POLR3G: variants seen among roughly 807,000 people sequenced by gnomAD.
POLR3G encodes the protein DNA-directed RNA polymerase III subunit RPC7.
Under a neutral mutation model 30.1 loss-of-function variants are expected in POLR3G, and 28 were observed. The observed-to-expected ratio is 0.93, with a 90% CI of 0.69 to 1.27. POLR3G has a LOEUF of 1.27. Ranked by LOEUF, POLR3G falls within the 50% of genes most tolerant of loss-of-function variation. The pLI is 0.00. For synonymous variants in POLR3G, 79 were observed against 82.5 expected, an observed-to-expected ratio of 0.96 and a Z score of 0.23; for missense variants, 254 against 264.6, an observed-to-expected ratio of 0.96 and a Z score of 0.28.
intron 5 of POLR3G, 75 bp downstream of exon 5, chr5:90,497,781 A>G (rs1752061701): frequency 3.3e-6 from 5 of 1,509,164 alleles, no homozygotes; most frequent in Non-Finnish European, 4.5e-6. Flanking sequence ...GGATTTGTCA[A>G]CCCAAAGTTA....
chr5:90,512,250 G>A lies in POLR3G; in HGVS notation c.*111G>A, dbSNP rs1341611026. On this transcript the variant is annotated 3_prime_UTR_variant, in exon 8 of 8. Coordinates refer to ENST00000651687, the MANE Select transcript of POLR3G (RefSeq NM_006467.3). ...ATAAGTACTTGTTTCTGTTGTTTTG[G>A]ACAAATAGTTGTTACCAAAATATTC... is the stretch of plus-strand genomic sequence containing the variant. 1.4e-6 allele frequency: 1 copy of A among 717,700 alleles called. No individual in the cohort carries two copies. The highest frequency in any genetic ancestry group is 2.4e-6 in the Non-Finnish European group (1 of 423,792). The allele number at this position is 717,700 out of a possible 1,614,324, so 44.5% of individuals were successfully genotyped here. A position where few individuals can be genotyped will look rare whatever the true frequency, so the allele number is the denominator to read the frequency against.
chr5:90,475,045 T>G (rs1750721914), intron 1 of POLR3G, 25 bp downstream of exon 1: 2 of 152,092 alleles, frequency 1.3e-5, no homozygotes, highest in Admixed American at 1.3e-4. Context: ...AATCGAAGAC[T>G]TGGGAGGGGT....
chr5:90,475,962 C>T (rs1431427254), intron 1 of POLR3G, among the ~76,000 whole-genome samples: 1 of 152,160 alleles, frequency 6.6e-6, no homozygotes, highest in Non-Finnish European at 1.5e-5. Context: ...CCGCCTGCCT[C>T]GGCCTCCCAA....
intron 1 of POLR3G, among the ~76,000 whole-genome samples, chr5:90,482,137 C>G (rs942986360): frequency 6.6e-6 from 1 of 152,020 alleles, no homozygotes; most frequent in Non-Finnish European, 1.5e-5. Flanking sequence ...AAGGAAAACT[C>G]AAATATGGAG....
chr5:90,478,810 C>T (rs768663606), intron 1 of POLR3G, among the ~76,000 whole-genome samples: 17 of 151,358 alleles, frequency 1.1e-4, no homozygotes, highest in Non-Finnish European at 1.9e-4. Context: ...ATGGTGAAAC[C>T]CTGTCTCTAC....
In POLR3G at chr5:90,512,499, G is replaced by T; in HGVS notation, c.*360G>T. The stretch of plus-strand genomic sequence containing the variant: ...CTGATCTTTTGTAAAACTATTGCTA[G>T]TCATAATGGATTTCTATAACCTGAA... On this transcript the variant is annotated 3_prime_UTR_variant, in exon 8 of 8. Coordinates refer to ENST00000651687, the MANE Select transcript of POLR3G (RefSeq NM_006467.3). 1 of 170,224 alleles carries T rather than the reference G, an allele frequency of 5.9e-6. No individual in the cohort carries two copies. Among genetic ancestry groups the T allele is most frequent in the East Asian group, 1.5e-4 (1 of 6,562 alleles). 10.5% of individuals were successfully genotyped at this position (170,224 alleles called of 1,614,324 possible).
At chr5:90,485,295 G>A (rs190054005) in intron 1 of POLR3G, among the ~76,000 whole-genome samples, 2 of 152,314 alleles carry the variant, frequency 1.3e-5, no homozygotes, top group Admixed American at 1.3e-4. Flanking sequence ...TGGACTGGAT[G>A]TGGGGCAGTA....
At chr5:90,497,254 GAAA>G (rs369026997) in intron 4 of POLR3G, among the ~76,000 whole-genome samples, 49 of 148,312 alleles carry the variant, frequency 3.3e-4, no homozygotes, top group African/African-American at 1.2e-3. Flanking sequence ...ACATCCTTTT[GAAA>G]AAAAAAATTT....
rs1404581969 is a variant in POLR3G at position 90,506,643 on chromosome 5, A to G, written c.554A>G (p.Gln185Arg). Residue 185 changes from glutamine (Q) to arginine (R), a missense_variant, in exon 7 of 8, where the codon CAG (glutamine) becomes CGG (arginine). Coordinates refer to ENST00000651687, the MANE Select transcript of POLR3G (RefSeq NM_006467.3). ...GACGATGACGATGATGCCGCAGAAC[A>G]GGAGGAATATGATGAAGAAGAGCAA... ...DDDDDDDAAEQEEYDEEEQEE... is the reference protein window; with the variant it reads ...DDDDDDDAAEREEYDEEEQEE... 6.2e-7 allele frequency: 1 copy of G among 1,611,864 alleles called. No homozygotes were observed. Among genetic ancestry groups the G allele is most frequent in the Non-Finnish European group, 8.5e-7 (1 of 1,179,204 alleles).
chr5:90,483,292 G>C (rs1363114773), intron 1 of POLR3G, among the ~76,000 whole-genome samples: 1 of 152,074 alleles, frequency 6.6e-6, no homozygotes, highest in East Asian at 1.9e-4. Flanking sequence ...AATCAGCTCT[G>C]TCCAGACAGC....
rs1332183687 is a variant in POLR3G, at chr5:90,485,523, A to C, written c.-43-2A>C. ...GATCCAGTAAATCGTAATCATTAAT[A>C]GTGCCTTTCAGAATTTGCCCACTCA... On this transcript the variant is annotated splice_acceptor_variant, in intron 1 of 7. Coordinates refer to ENST00000651687, the MANE Select transcript of POLR3G (RefSeq NM_006467.3). LOFTEE classifies it low-confidence loss of function (5UTR_SPLICE). 7.7e-7 allele frequency: 1 copy of C among 1,302,952 alleles called. No homozygotes were observed. The highest frequency in any genetic ancestry group is 2.3e-5 in the East Asian group (1 of 43,030). The allele number at this position is 1,302,952 out of a possible 1,614,324, so 80.7% of individuals were successfully genotyped here.
At chr5:90,505,107 A>C (rs1157748983) in intron 6 of POLR3G, among the ~76,000 whole-genome samples, 1 of 152,206 alleles carries the variant, frequency 6.6e-6, no homozygotes. Context: ...AATTACAAGG[A>C]TTTTTAAAGA....
upstream of POLR3G, chr5:90,474,360 CA>C: frequency 7.1e-7 from 1 of 1,416,266 alleles, no homozygotes; most frequent in South Asian, 1.2e-5. Context: ...TGTCCACACA[CA>C]GGGCACTGCG....
intron 2 of POLR3G, among the ~76,000 whole-genome samples, chr5:90,487,358 T>TG (rs58573457): frequency 2.4e-5 from 2 of 84,622 alleles, no homozygotes; most frequent in African/African-American, 6.6e-5. Flanking sequence ...TTAGTTTTTC[T>TG]TTTTTTTTTT....
At chr5:90,485,415 CA>C in intron 1 of POLR3G, 109 bp from the exon 2 acceptor site, 1 of 616,584 alleles carries the variant, frequency 1.6e-6, no homozygotes. Context: ...TTTTGCTTTC[CA>C]AAAGTATTTT....
chr5:90,482,833 A>G (rs1263731742), intron 1 of POLR3G, among the ~76,000 whole-genome samples: 1 of 151,996 alleles, frequency 6.6e-6, no homozygotes, highest in Non-Finnish European at 1.5e-5. Context: ...CTACCCACCA[A>G]ATTAACTTTA....
At position 90,479,497 on chromosome 5, in the gene POLR3G, C is replaced by T. The variant is rs572738592; in HGVS notation, c.-44+4477C>T. ...CGGGAAAAAACAAACAAACAACAAACGAAAAACATAGGTGAAACTCCTCCC... is the reference window on the plus strand; with the variant it reads ...CGGGAAAAAACAAACAAACAACAAATGAAAAACATAGGTGAAACTCCTCCC... On this transcript the variant is annotated intron_variant, in intron 1 of 7. Coordinates refer to ENST00000651687, the MANE Select transcript of POLR3G (RefSeq NM_006467.3). Among the ~76,000 whole-genome samples, 3 of 152,090 alleles carry T rather than the reference C, an allele frequency of 2.0e-5. No individual in the cohort carries two copies. In the South Asian group the frequency reaches 6.2e-4, roughly 32 times the overall value.
chr5:90,474,134 G>A (rs775003817), upstream of POLR3G: 74 of 1,587,670 alleles, frequency 4.7e-5, no homozygotes, highest in South Asian at 5.7e-5. Context: ...GGTACTCCGG[G>A]AGGCTGCGCA....
intron 1 of POLR3G, among the ~76,000 whole-genome samples, chr5:90,475,954 G>T (rs1214274681): frequency 1.3e-5 from 2 of 151,996 alleles, no homozygotes; most frequent in African/African-American, 2.4e-5. Flanking sequence ...CAAATGATCC[G>T]CCTGCCTCGG....
Sources: allele counts gnomAD v4.1 joint callset (sites outside exome capture counted in the v4.1 genomes callset), GRCh38; gene constraint gnomAD v4.1.1; transcripts MANE v1.5; gene names NCBI Gene and HGNC (gene_info 2026-07-23, HGNC 2026-07-21).